FIP1L1: variants seen among roughly 807,000 people sequenced by gnomAD.
The protein encoded by FIP1L1 is pre-mRNA 3'-end-processing factor FIP1.
FIP1L1 carries 21 observed loss-of-function variants against 84.6 expected under a neutral mutation model. The ratio of observed to expected loss-of-function variants is 0.25; its 90% CI spans 0.18 to 0.36. The LOEUF (loss-of-function observed/expected upper bound fraction) is 0.36, where lower values mean the gene tolerates loss of function less well. FIP1L1 is among the 10% of genes least tolerant of loss of function. The probability of loss-of-function intolerance (pLI) is 1.00; values close to 1 mark genes in which losing one functional copy is unlikely to be tolerated. For synonymous variants in FIP1L1, 263 were observed against 242.3 expected (o/e 1.09, Z -0.80); for missense variants, 526 against 751.1 (o/e 0.70, Z 3.50).
At chr4:53,389,442 G>C (rs1473353767) in intron 5 of FIP1L1, among the ~76,000 whole-genome samples, 2 of 117,606 alleles carry the variant, frequency 1.7e-5, no homozygotes, top group East Asian at 4.9e-4. Context: ...TTTTGAAATG[G>C]AAACAAGTCA....
At position 53,379,211 on chromosome 4, in the gene FIP1L1, A is replaced by G. The variant is rs750135082; in HGVS notation, c.131-14A>G. ...TGTTTGCTTATTTATTTATTTGTTT[A>G]TTTTACTTGGTAGATGAAAATGAAG... is the stretch of plus-strand genomic sequence containing the variant. On this transcript the variant is annotated splice_polypyrimidine_tract_variant and intron_variant, in intron 2 of 17. Coordinates refer to ENST00000337488, the MANE Select transcript of FIP1L1 (RefSeq NM_030917.4). The G allele has an allele frequency of 1.2e-6, 2 of 1,606,468 alleles. No homozygotes were observed. The highest frequency in any genetic ancestry group is 1.7e-6 in the Non-Finnish European group (2 of 1,177,818).
intron 10 of FIP1L1, among the ~76,000 whole-genome samples, chr4:53,412,660 A>T (rs181875253): frequency 7.2e-5 from 11 of 152,222 alleles, no homozygotes; most frequent in Admixed American, 2.6e-4. Flanking sequence ...TTGGAGATAC[A>T]GGATGTCAGT....
chr4:53,440,679 AG>A, intron 13 of FIP1L1: 3 of 1,087,020 alleles, frequency 2.8e-6, no homozygotes, highest in Non-Finnish European at 4.1e-6. Flanking sequence ...GTTACAGGAG[AG>A]ACGGTGTTGA....
intron 9 of FIP1L1, among the ~76,000 whole-genome samples, chr4:53,397,342 A>G (rs921881682): frequency 2.0e-4 from 31 of 152,132 alleles, no homozygotes; most frequent in African/African-American, 7.2e-4. Context: ...TTGGCTAGAG[A>G]GATCAGTGAT....
At chr4:53,458,234 C>T (rs1720488277) in intron 16 of FIP1L1, among the ~76,000 whole-genome samples, 1 of 152,060 alleles carries the variant, frequency 6.6e-6, no homozygotes, top group Non-Finnish European at 1.5e-5. Flanking sequence ...ATGTCCAAGA[C>T]TTTCCAAGAA....
chr4:53,402,276 GA>G (rs1258684030), intron 10 of FIP1L1, among the ~76,000 whole-genome samples: 1 of 152,122 alleles, frequency 6.6e-6, no homozygotes, highest in African/African-American at 2.4e-5. Context: ...AGAGTGGGAG[GA>G]AAAGAATTAG....
chr4:53,419,090 T>G (rs1052610908), intron 11 of FIP1L1, among the ~76,000 whole-genome samples: 30 of 152,204 alleles, frequency 2.0e-4, no homozygotes, highest in Admixed American at 5.9e-4. Flanking sequence ...TTGATACATT[T>G]AAAAGCATGA....
At chr4:53,441,994 A>T (rs1772146070) in intron 13 of FIP1L1, among the ~76,000 whole-genome samples, 1 of 151,614 alleles carries the variant, frequency 6.6e-6, no homozygotes, top group Admixed American at 6.6e-5. Context: ...TTTTTTAGCC[A>T]TATTATTCTG....
At chr4:53,402,249 T>G (rs1472964754) in intron 10 of FIP1L1, among the ~76,000 whole-genome samples, 1 of 152,136 alleles carries the variant, frequency 6.6e-6, no homozygotes, top group African/African-American at 2.4e-5. Context: ...TAAAAGACTT[T>G]GGAATGGATT....
At chr4:53,456,558 G>A (rs1021985410) in intron 16 of FIP1L1, among the ~76,000 whole-genome samples, 2 of 150,744 alleles carry the variant, frequency 1.3e-5, no homozygotes, top group African/African-American at 4.9e-5. Context: ...TTAGCAGTAT[G>A]GCATGTAGTA....
chr4:53,377,836 G>C lies in FIP1L1; in HGVS notation c.-3G>C, dbSNP rs746439161. ...CCGCGTTTAAGTTGCGCTCGGGGCG[G>C]CCATGTCGGCCGGCGAGGTCGAGCG... On this transcript the variant is annotated 5_prime_UTR_variant, in exon 1 of 18. Coordinates refer to ENST00000337488, the MANE Select transcript of FIP1L1 (RefSeq NM_030917.4). 1 of 1,573,538 alleles carries C rather than the reference G, an allele frequency of 6.4e-7. No individual in the cohort carries two copies. The highest frequency in any genetic ancestry group is 8.6e-7 in the Non-Finnish European group (1 of 1,159,418).
chr4:53,377,880 C>A lies in FIP1L1; in HGVS notation c.42C>A (p.Ser14Arg). The A allele has an allele frequency of 6.2e-7, 1 of 1,602,306 alleles. No homozygotes were observed. Among genetic ancestry groups the A allele is most frequent in the Non-Finnish European group, 8.5e-7 (1 of 1,174,646 alleles). ...GEVERLVSELSGGTGGDEEEE... is the reference protein window; with the variant it reads ...GEVERLVSELRGGTGGDEEEE... ...TCGAGCGCCTAGTGTCGGAGCTGAG[C>A]GGCGGGACCGGAGGGGATGAGGAGG... Residue 14 changes from serine (S) to arginine (R), a missense_variant, in exon 1 of 18, where the codon AGC becomes AGA. Ser to Arg is a moderately radical substitution (Grantham distance 110). This residue lies in a region of FIP1L1 where 100 missense variants were observed against 107.2 expected (regional missense o/e 0.93). Coordinates refer to ENST00000337488, the MANE Select transcript of FIP1L1 (RefSeq NM_030917.4).
At chr4:53,436,148 ATGTAT>A (rs1769102828) in intron 13 of FIP1L1, among the ~76,000 whole-genome samples, 3 of 152,186 alleles carry the variant, frequency 2.0e-5, no homozygotes, top group Admixed American at 2.0e-4. Context: ...TGGTTATTGC[ATGTAT>A]TGGGTTTCTA....
chr4:53,383,151 G>A (rs2149287202), intron 4 of FIP1L1, among the ~76,000 whole-genome samples: 1 of 150,940 alleles, frequency 6.6e-6, no homozygotes, highest in South Asian at 2.1e-4. Context: ...TTATCTTGTA[G>A]GTATCTTAGT....
chr4:53,388,886 G>A lies in FIP1L1; in HGVS notation c.333-923G>A, dbSNP rs555823622. On this transcript the variant is annotated intron_variant, in intron 5 of 17. Coordinates refer to ENST00000337488, the MANE Select transcript of FIP1L1 (RefSeq NM_030917.4). ...TCAAATAATTGTATACAAGTCTTAG[G>A]TGTTTTGGCCAAGATTACACAACTA... 3.3e-5 allele frequency among the ~76,000 whole-genome samples: 5 copies of A among 152,246 alleles called. No homozygotes were observed. The East Asian group carries it at 5.8e-4, about 18-fold the overall frequency.
chr4:53,445,261 C>T (rs1016233536), intron 15 of FIP1L1, among the ~76,000 whole-genome samples: 7 of 151,946 alleles, frequency 4.6e-5, no homozygotes, highest in African/African-American at 1.2e-4. Context: ...TGGCTAGTTA[C>T]GATGAGGAAG....
In FIP1L1 at chr4:53,442,727, G is replaced by A. The variant is rs1385097713; in HGVS notation, c.1229+20G>A. ...AGAAAGGTAAATCAGTATGGATACT[G>A]ATTTTTGATCATTGATAGCCTTTTG... On this transcript the variant is annotated intron_variant, in intron 14 of 17. Coordinates refer to ENST00000337488, the MANE Select transcript of FIP1L1 (RefSeq NM_030917.4). 1 of 1,481,378 alleles carries A rather than the reference G, an allele frequency of 6.8e-7. No homozygotes were observed. The highest frequency in any genetic ancestry group is 9.4e-7 in the Non-Finnish European group (1 of 1,065,002). 91.8% of individuals were successfully genotyped at this position (1,481,378 alleles called of 1,614,324 possible). A position where few individuals can be genotyped will look rare whatever the true frequency, so the allele number is the denominator to read the frequency against.
intron 13 of FIP1L1, among the ~76,000 whole-genome samples, chr4:53,438,324 G>A (rs1168497070): frequency 2.0e-5 from 3 of 152,148 alleles, no homozygotes; most frequent in Non-Finnish European, 2.9e-5. Flanking sequence ...CCCTTACACT[G>A]TTTCTCTTTT....
intron 10 of FIP1L1, among the ~76,000 whole-genome samples, chr4:53,408,832 G>A (rs59189418): frequency 0.13 from 19,790 of 152,116 alleles, 2,566 homozygotes; most frequent in African/African-American, 0.32. Context: ...TCAAGCCTTG[G>A]TTTTCAGCTC....
Sources: allele counts gnomAD v4.1 joint callset (sites outside exome capture counted in the v4.1 genomes callset), GRCh38; gene constraint gnomAD v4.1.1; regional missense constraint gnomAD v4.1.1; transcripts MANE v1.5; gene names NCBI Gene and HGNC (gene_info 2026-07-23, HGNC 2026-07-21).